The following DPH7 variants were observed in gnomAD, a reference collection of about 807,000 sequenced individuals.
DPH7 encodes diphthamide biosynthesis 7.
DPH7 carries 44 observed loss-of-function variants against 41.7 expected under a neutral mutation model. That is an observed-to-expected ratio of 1.05 (90% CI 0.83 to 1.36). DPH7 has a LOEUF of 1.36. Ranked by LOEUF, DPH7 falls within the 40% of genes most tolerant of loss-of-function variation. DPH7 has a pLI of 0.00. For synonymous variants in DPH7, 275 were observed against 238.0 expected, an observed-to-expected ratio of 1.16 and a Z score of -1.43; for missense variants, 629 against 577.5, an observed-to-expected ratio of 1.09 and a Z score of -0.91.
chr9:137,556,783 C>G lies in DPH7; in HGVS notation c.950-1135G>C. ...TCTTTCATCCAGCAATCGCTCAACA[C>G]GTCCACTCGGGCCAGCAGGACCTCT... On this transcript the variant is annotated intron_variant, in intron 8 of 8. Coordinates refer to ENST00000277540, the MANE Select transcript of DPH7 (RefSeq NM_138778.5). This position sits in a 1 kb window ranked among gnomAD's most constrained non-coding sequence, Gnocchi z 5.2. The G allele has an allele frequency of 2.2e-6, 1 of 456,090 alleles. No homozygotes were observed. The highest frequency in any genetic ancestry group is 1.5e-5 in the South Asian group (1 of 64,526). 28.3% of individuals were successfully genotyped at this position (456,090 alleles called of 1,614,324 possible).
chr9:137,556,212 T>C lies in DPH7; in HGVS notation c.950-564A>G, dbSNP rs1383200605. ...CAAGGTTAAGTGAGCAGTTTCTTTA[T>C]AGAAGTTGCTACGGCAACTGGAAAG... On this transcript the variant is annotated intron_variant, in intron 8 of 8. Transcript: ENST00000277540. The surrounding 1 kb of genome is among the most constrained non-coding windows in gnomAD (Gnocchi z 5.2). Among the ~76,000 whole-genome samples the C allele has an allele frequency of 6.6e-6, 1 of 152,070 alleles. No homozygotes were observed. Among genetic ancestry groups the C allele is most frequent in the Non-Finnish European group, 1.5e-5 (1 of 68,018 alleles).
chr9:137,574,805 C>T lies in DPH7; in HGVS notation c.414G>A (p.Leu138=). 1 of 1,614,068 alleles carries T rather than the reference C, an allele frequency of 6.2e-7. No homozygotes were observed. Among genetic ancestry groups the T allele is most frequent in the Non-Finnish European group, 8.5e-7 (1 of 1,180,010 alleles). The stretch of plus-strand genomic sequence containing the variant: ...GGGACAAAGCCAGACACTGCTCCTC[C>T]AGGGCAAGGCTGGACAATGGCTCCA... The part of the protein sequence containing the change: ...HVLEPLSSLA[L]EEQCLALSLD... The change falls in exon 4 of 9, where the codon CTG becomes CTA. Residue 138 remains leucine (L), a synonymous_variant. Transcript: ENST00000277540.
intron 8 of DPH7, among the ~76,000 whole-genome samples, chr9:137,562,510 T>C (rs1838802666): frequency 6.6e-6 from 1 of 151,724 alleles, no homozygotes; most frequent in Admixed American, 6.6e-5. Context: ...TTGAGATGAA[T>C]GAAAATAAAA....
intron 1 of DPH7, 72 bp from the exon 2 acceptor site, chr9:137,577,675 C>T: frequency 6.4e-7 from 1 of 1,565,924 alleles, no homozygotes. Flanking sequence ...GAAAAGGGAT[C>T]CAAGGAACTC....
chr9:137,576,387 G>A, intron 2 of DPH7: 1 of 546,010 alleles, frequency 1.8e-6, no homozygotes, highest in Non-Finnish European at 3.3e-6. Context: ...TGACACAACA[G>A]GAAGTGGTTG....
intron 5 of DPH7, among the ~76,000 whole-genome samples, chr9:137,573,118 T>C (rs1840733622): frequency 6.6e-6 from 1 of 152,026 alleles, no homozygotes; most frequent in African/African-American, 2.4e-5. Flanking sequence ...TCCCAGCACT[T>C]TGGGAGGCCG....
At chr9:137,577,347 C>T (rs2133233865) in intron 2 of DPH7, 123 bp downstream of exon 2, 1 of 998,866 alleles carries the variant, frequency 1.0e-6, no homozygotes, top group South Asian at 1.6e-5. Flanking sequence ...ATAGGCGGGA[C>T]AGCAAAGAAA....
At chr9:137,559,016 G>C (rs1196513767) in intron 8 of DPH7, among the ~76,000 whole-genome samples, 2 of 152,304 alleles carry the variant, frequency 1.3e-5, no homozygotes, top group Middle Eastern at 3.4e-3. Flanking sequence ...CGAGGCAAGA[G>C]ACCGAGGACA....
chr9:137,561,814 G>T (rs1306375951), intron 8 of DPH7, among the ~76,000 whole-genome samples: 1 of 152,162 alleles, frequency 6.6e-6, no homozygotes, highest in Non-Finnish European at 1.5e-5. Context: ...TGATGGAAAC[G>T]AGGCTGGAAA....
At chr9:137,564,337 C>G in intron 8 of DPH7, 97 bp downstream of exon 8, 1 of 1,427,158 alleles carries the variant, frequency 7.0e-7, no homozygotes, top group South Asian at 1.3e-5. Flanking sequence ...CCCAGCAGAG[C>G]AAGGGAGCAG....
intron 6 of DPH7, 35 bp downstream of exon 6, chr9:137,565,050 G>C (rs1411922887): frequency 6.2e-7 from 1 of 1,613,380 alleles, no homozygotes; most frequent in Admixed American, 1.7e-5. Flanking sequence ...GCGGGGGCTG[G>C]TGTGGGCACC....
At position 137,574,238 on chromosome 9, in the gene DPH7, T is replaced by A. The variant is rs753311308; in HGVS notation, c.610A>T (p.Asn204Tyr). The A allele has an allele frequency of 6.2e-7, 1 of 1,614,094 alleles. No homozygotes were observed. Among genetic ancestry groups the A allele is most frequent in the South Asian group, 1.1e-5 (1 of 91,082 alleles). Residue 204 changes from asparagine to tyrosine, a missense_variant, in exon 5 of 9, where the codon AAT (asparagine) becomes TAT (tyrosine). Asn to Tyr is a moderately radical substitution (Grantham distance 143, BLOSUM62 -2). Transcript: ENST00000277540. ...HQFEAWIAAF[N>Y]YWHPEIVYSG... ...TACACAATTTCTGGATGCCAGTAAT[T>A]GAAAGCAGCAATCCAGGCCTCGAAT... is the stretch of plus-strand genomic sequence containing the variant.
At chr9:137,573,077 G>A (rs1194616948) in intron 5 of DPH7, among the ~76,000 whole-genome samples, 1 of 152,210 alleles carries the variant, frequency 6.6e-6, no homozygotes, top group Non-Finnish European at 1.5e-5. Flanking sequence ...TAAAGAATAA[G>A]TGGGCGGGGC....
chr9:137,555,082 A>T lies in DPH7; in HGVS notation c.*157T>A. On this transcript the variant is annotated 3_prime_UTR_variant, in exon 9 of 9. Coordinates refer to ENST00000277540, the MANE Select transcript of DPH7 (RefSeq NM_138778.5). ...AGGGGCCCAGCAGGGAAGCTGATTT[A>T]AGAGAAGTCAACAGCTTTTCTGACT... 1.1e-6 allele frequency: 1 copy of T among 902,584 alleles called. No individual in the cohort carries two copies. Among genetic ancestry groups the T allele is most frequent in the Non-Finnish European group, 1.6e-6 (1 of 644,380 alleles). 55.9% of individuals were successfully genotyped at this position (902,584 alleles called of 1,614,324 possible).
intron 2 of DPH7, 76 bp from the exon 3 acceptor site, chr9:137,576,243 G>T: frequency 2.2e-6 from 3 of 1,338,006 alleles, no homozygotes; most frequent in Non-Finnish European, 3.2e-6. Context: ...GGTAACCACA[G>T]TCACGCTTCC....
Position 137,555,148 on chromosome 9 carries a change from G to A in DPH7, c.*91C>T. The A allele has an allele frequency of 1.4e-6, 2 of 1,451,032 alleles. No homozygotes were observed. 89.9% of individuals were successfully genotyped at this position (1,451,032 alleles called of 1,614,324 possible). On this transcript the variant is annotated 3_prime_UTR_variant, in exon 9 of 9. Coordinates refer to ENST00000277540, the MANE Select transcript of DPH7 (RefSeq NM_138778.5). ...TCAGTGCACAGGCACCTGCAGGGCT[G>A]CAGTAAGCATCTCTGATGAGGTGGT...
chr9:137,573,089 A>C (rs917512622), intron 5 of DPH7, among the ~76,000 whole-genome samples: 8 of 152,058 alleles, frequency 5.3e-5, no homozygotes, highest in African/African-American at 1.9e-4. Context: ...GGGCGGGGCA[A>C]GGTGGCTCAC....
At position 137,578,854 on chromosome 9, in the gene DPH7, C is replaced by T. The variant is rs1841916044; in HGVS notation, c.-77G>A. On this transcript the variant is annotated 5_prime_UTR_variant, in exon 1 of 9. Coordinates refer to ENST00000277540, the MANE Select transcript of DPH7 (RefSeq NM_138778.5). ...CCGGGCTGGGTACTGCGCGGGGCGG[C>T]GAGGCCGGGGCCGGCCGGACGAGCG... The T allele has an allele frequency of 9.9e-6, 13 of 1,312,390 alleles. No individual in the cohort carries two copies. Among genetic ancestry groups the T allele is most frequent in the African/African-American group, 1.6e-5 (1 of 64,456 alleles). The allele number at this position is 1,312,390 out of a possible 1,614,324, so 81.3% of individuals were successfully genotyped here. A position where few individuals can be genotyped will look rare whatever the true frequency, so the allele number is the denominator to read the frequency against.
rs932876398 is a variant in DPH7 at position 137,577,354 on chromosome 9, G to T, written c.287+116C>A. ...GGTGGAAGATAGGCGGGACAGCAAAGAAACAAATCCAAAGTTGAGATGCAA... is the reference window on the plus strand; with the variant it reads ...GGTGGAAGATAGGCGGGACAGCAAATAAACAAATCCAAAGTTGAGATGCAA... On this transcript the variant is annotated intron_variant, in intron 2 of 8. Transcript: ENST00000277540. 5 of 1,107,502 alleles carry T rather than the reference G, an allele frequency of 4.5e-6. No homozygotes were observed. The East Asian group carries it at 7.2e-5, about 16-fold the overall frequency. 68.6% of individuals were successfully genotyped at this position (1,107,502 alleles called of 1,614,324 possible).
Sources: allele counts gnomAD v4.1 joint callset (sites outside exome capture counted in the v4.1 genomes callset), GRCh38; gene constraint gnomAD v4.1.1; non-coding constraint Gnocchi (gnomAD v3.1); transcripts MANE v1.5; gene names NCBI Gene and HGNC (gene_info 2026-07-23, HGNC 2026-07-21).